Variants in D2HGDH observed in about 807,000 individuals in gnomAD.
The protein encoded by D2HGDH is D-2-hydroxyglutarate dehydrogenase.
Under a neutral mutation model 46.9 loss-of-function variants are expected in D2HGDH, and 31 were observed. The ratio of observed to expected loss-of-function variants is 0.66; its 90% confidence interval spans 0.50 to 0.89. The LOEUF (loss-of-function observed/expected upper bound fraction) is 0.89. Among genes scored for constraint, D2HGDH ranks in the 40% least tolerant of loss-of-function variants. The probability of loss-of-function intolerance (pLI) is 0.00; values close to 1 mark genes in which losing one functional copy is unlikely to be tolerated. For synonymous variants in D2HGDH, 364 were observed against 332.6 expected, an observed-to-expected ratio of 1.09 and a Z score of -1.03; for missense variants, 698 against 720.8, an observed-to-expected ratio of 0.97 and a Z score of 0.36.
chr2:241,749,940 A>G (rs978813687), intron 6 of D2HGDH: 38 of 645,786 alleles, frequency 5.9e-5, no homozygotes, highest in South Asian at 3.5e-5. Context: ...GTGTGCACCT[A>G]CCCCTCCTGA....
chr2:241,750,307 C>G lies in D2HGDH; in HGVS notation c.997+13C>G, dbSNP rs772791154. ...AGCCCGGTGCAAGGTACTGACCCCC[C>G]ACACAGGGGGCAGCTGGTCCTGCAG... On this transcript the variant is annotated intron_variant, in intron 7 of 9. Transcript: ENST00000321264. 3.5e-5 allele frequency: 57 copies of G among 1,610,322 alleles called. No homozygotes were observed. Among genetic ancestry groups the G allele is most frequent in the Middle Eastern group, 3.5e-4 (2 of 5,694 alleles).
At chr2:241,750,394 C>CGGGGGGGGGGGGGGG in intron 7 of D2HGDH, 100 bp downstream of exon 7, 1 of 263,586 alleles carries the variant, frequency 3.8e-6, no homozygotes, top group Non-Finnish European at 6.1e-6. Context: ...GGGGGGTGCC[C>CGGGGGGGGGGGGGGG]GGGCGGGCGG....
intron 9 of D2HGDH, among the ~76,000 whole-genome samples, chr2:241,758,031 G>A (rs918313160): frequency 5.3e-5 from 8 of 152,116 alleles, no homozygotes; most frequent in Non-Finnish European, 8.8e-5. Context: ...CATGGTGACC[G>A]GGTGCTTGTC....
At chr2:241,739,595 C>T (rs1302205007) in intron 2 of D2HGDH, among the ~76,000 whole-genome samples, 1 of 152,236 alleles carries the variant, frequency 6.6e-6, no homozygotes, top group African/African-American at 2.4e-5. Context: ...TCTGCAGCCC[C>T]CATCACCTGG....
rs1559358330 is a variant in D2HGDH, at chr2:241,743,107, G to GT, written c.491-515_491-514insT. 1.8e-5 allele frequency among the ~76,000 whole-genome samples: 1 copy of GT among 54,654 alleles called. No homozygotes were observed. The highest frequency in any genetic ancestry group is 3.5e-5 in the Non-Finnish European group (1 of 28,354). The allele number at this position is 54,654 out of a possible 152,430, so 35.9% of individuals were successfully genotyped here. A position where few individuals can be genotyped will look rare whatever the true frequency, so the allele number is the denominator to read the frequency against. On this transcript the variant is annotated intron_variant, in intron 4 of 9. Transcript: ENST00000321264. The surrounding 1 kb of genome is among the most constrained non-coding windows in gnomAD (Gnocchi z 4.8). ...GGGGATCCTGACCCAGGGTGCCAGGGCGTGGCAGGCATGAGGGGATCCTGA... is the reference window on the plus strand; with the variant it reads ...GGGGATCCTGACCCAGGGTGCCAGGGTCGTGGCAGGCATGAGGGGATCCTGA...
intron 9 of D2HGDH, among the ~76,000 whole-genome samples, chr2:241,758,130 G>A (rs1698369899): frequency 6.6e-6 from 1 of 152,198 alleles, no homozygotes; most frequent in Non-Finnish European, 1.5e-5. Context: ...AGGTGGCCAT[G>A]ATCCTTTCTG....
At chr2:241,751,691 C>T (rs373400154) in intron 8 of D2HGDH, among the ~76,000 whole-genome samples, 92 of 152,388 alleles carry the variant, frequency 6.0e-4, no homozygotes, top group African/African-American at 2.2e-3. Flanking sequence ...GGTTAAGCGG[C>T]CAGTCAGCGG....
rs185792149 is a variant in D2HGDH, at chr2:241,748,429, G to A, written c.854-1722G>A. Among the ~76,000 whole-genome samples, 30 of 152,292 alleles carry A rather than the reference G, an allele frequency of 2.0e-4. No individual in the cohort carries two copies. The East Asian group carries it at 3.1e-3, about 16-fold the overall frequency. On this transcript the variant is annotated intron_variant, in intron 6 of 9. Coordinates refer to ENST00000321264, the MANE Select transcript of D2HGDH (RefSeq NM_152783.5). ...AGCCACTGTGCCCGGCCTCTTCAGC[G>A]GTTTCTTTGGTGTTTTTTGGCCCAG...
chr2:241,753,815 C>T (rs1559386126), intron 8 of D2HGDH, among the ~76,000 whole-genome samples: 5 of 152,216 alleles, frequency 3.3e-5, no homozygotes, highest in Admixed American at 2.0e-4. Context: ...GCCTGCCGGG[C>T]GACAGCAGTG....
Position 241,744,713 on chromosome 2 carries a change from T to C in D2HGDH, c.689T>C (p.Leu230Pro). 6.2e-7 allele frequency: 1 copy of C among 1,614,254 alleles called. No individual in the cohort carries two copies. The highest frequency in any genetic ancestry group is 8.5e-7 in the Non-Finnish European group (1 of 1,180,048). Residue 230 changes from leucine (L) to proline (P), a missense_variant, in exon 6 of 10, where the codon CTG (leucine) becomes CCG (proline). Physicochemically the swap from Leu to Pro is moderately conservative, Grantham distance 98. Coordinates refer to ENST00000321264, the MANE Select transcript of D2HGDH (RefSeq NM_152783.5). ...HGTVLGLEVV[L>P]ADGTVLDCLT... ...CGTGCTTCTCTTTGCCCCAAGGTGC[T>C]GGCCGACGGCACTGTCCTGGACTGC...
intron 2 of D2HGDH, among the ~76,000 whole-genome samples, chr2:241,737,228 C>G (rs972422346): frequency 1.3e-5 from 2 of 152,266 alleles, no homozygotes; most frequent in African/African-American, 4.8e-5. Flanking sequence ...CCTCGGCCTC[C>G]CAAAGTGCTG....
At chr2:241,740,294 G>A (rs138008374) in intron 2 of D2HGDH, among the ~76,000 whole-genome samples, 2,110 of 152,306 alleles carry the variant, frequency 0.014, 43 homozygotes, top group African/African-American at 0.047. Context: ...AGTCTCAAGC[G>A]TCTGCTTGTG....
intron 9 of D2HGDH, among the ~76,000 whole-genome samples, chr2:241,761,566 G>C (rs922657683): frequency 6.6e-6 from 1 of 152,128 alleles, no homozygotes. Context: ...AGGAGGATGT[G>C]TGTAGTTTAT....
At chr2:241,739,765 G>A (rs1693929641) in intron 2 of D2HGDH, among the ~76,000 whole-genome samples, 1 of 152,250 alleles carries the variant, frequency 6.6e-6, no homozygotes, top group African/African-American at 2.4e-5. Flanking sequence ...TGAATAAAGT[G>A]AGAAGCCGAG....
In D2HGDH at chr2:241,751,399, T is replaced by A; in HGVS notation, c.1140+11T>A. On this transcript the variant is annotated intron_variant, in intron 8 of 9. Transcript: ENST00000321264. Reference sequence around the variant, plus strand: ...CAGAGGAAAGTCAAGGTGCCCTGTGTCCTGCTTGCAGGTCCCCGCTCTCTG... The same window carrying A: ...CAGAGGAAAGTCAAGGTGCCCTGTGACCTGCTTGCAGGTCCCCGCTCTCTG... 5 of 1,612,932 alleles carry A rather than the reference T, an allele frequency of 3.1e-6. No individual in the cohort carries two copies. Among genetic ancestry groups the A allele is most frequent in the Non-Finnish European group, 3.4e-6 (4 of 1,179,980 alleles).
At chr2:241,756,695 T>C (rs922097970) in intron 9 of D2HGDH, among the ~76,000 whole-genome samples, 1 of 152,140 alleles carries the variant, frequency 6.6e-6, no homozygotes, top group African/African-American at 2.4e-5. Context: ...CTAATTTTTG[T>C]ATTTTTAGTA....
chr2:241,758,769 A>ATGTGTG (rs558559121), intron 9 of D2HGDH, among the ~76,000 whole-genome samples: 18,534 of 131,724 alleles, frequency 0.14, 1,661 homozygotes, highest in South Asian at 0.23. Context: ...CCCACAATAT[A>ATGTGTG]TGTGTGTGTG....
In D2HGDH at chr2:241,768,355, C is replaced by T; in HGVS notation, c.*386C>T. On this transcript the variant is annotated 3_prime_UTR_variant, in exon 10 of 10. Transcript: ENST00000321264. ...GGTTCTGCCTGCTTGCTGCTCGTTC[C>T]CCGGGCATGCGTGGGCAGCGGGGGG... 1 of 217,702 alleles carries T rather than the reference C, an allele frequency of 4.6e-6. No individual in the cohort carries two copies. Among genetic ancestry groups the T allele is most frequent in the Non-Finnish European group, 9.2e-6 (1 of 108,808 alleles). The allele number at this position is 217,702 out of a possible 1,614,324, so 13.5% of individuals were successfully genotyped here. A position where few individuals can be genotyped will look rare whatever the true frequency, so the allele number is the denominator to read the frequency against.
intron 8 of D2HGDH, among the ~76,000 whole-genome samples, chr2:241,753,841 G>A (rs1176570208): frequency 6.6e-6 from 1 of 152,238 alleles, no homozygotes; most frequent in Non-Finnish European, 1.5e-5. Flanking sequence ...GGCGGGAGAA[G>A]CCTTGCCCCA....
Sources: allele counts gnomAD v4.1 joint callset (sites outside exome capture counted in the v4.1 genomes callset), GRCh38; gene constraint gnomAD v4.1.1; non-coding constraint Gnocchi (gnomAD v3.1); transcripts MANE v1.5; gene names NCBI Gene and HGNC (gene_info 2026-07-23, HGNC 2026-07-21).